CFTR: variants seen among roughly 807,000 people sequenced by gnomAD.
CFTR encodes the protein cystic fibrosis transmembrane conductance regulator.
Under a neutral mutation model 171.6 loss-of-function variants are expected in CFTR, and 181 were observed. The ratio of observed to expected loss-of-function variants is 1.05; its 90% CI spans 0.93 to 1.19. The LOEUF is 1.19. Ranked by LOEUF, CFTR falls within the 50% of genes most tolerant of loss-of-function variation. CFTR has a pLI of 0.00. For synonymous variants in CFTR, 583 were observed against 608.0 expected (o/e 0.96, Z 0.60); for missense variants, 1,968 against 1,734.7 (o/e 1.13, Z -2.39).
At chr7:117,618,164 T>C (rs1345832580) in intron 21 of CFTR, among the ~76,000 whole-genome samples, 1 of 152,162 alleles carries the variant, frequency 6.6e-6, no homozygotes, top group Non-Finnish European at 1.5e-5. Context: ...AAACATCAGC[T>C]ATATCTCAGC....
intron 12 of CFTR, among the ~76,000 whole-genome samples, chr7:117,589,362 A>C (rs1022643203): frequency 6.6e-6 from 1 of 151,976 alleles, no homozygotes; most frequent in Non-Finnish European, 1.5e-5. Flanking sequence ...AAAAATTTTT[A>C]AATTGGCTTT....
chr7:117,524,710 C>T (rs1417986396), intron 3 of CFTR, among the ~76,000 whole-genome samples: 2 of 152,146 alleles, frequency 1.3e-5, no homozygotes, highest in Non-Finnish European at 2.9e-5. Context: ...AGCACTTTCA[C>T]TGATTGCAGT....
chr7:117,551,775 C>T (rs1431906771), intron 10 of CFTR, among the ~76,000 whole-genome samples: 1 of 152,154 alleles, frequency 6.6e-6, no homozygotes, highest in Non-Finnish European at 1.5e-5. Context: ...TGAAAGCTGG[C>T]TTATGGCATC....
chr7:117,587,157 C>A (rs1236839085), intron 11 of CFTR, among the ~76,000 whole-genome samples: 1 of 151,868 alleles, frequency 6.6e-6, no homozygotes, highest in East Asian at 1.9e-4. Context: ...GGAGAGAGGT[C>A]GTGAGAATGA....
Position 117,521,409 on chromosome 7 carries a change from G to A in CFTR, c.274-9490G>A, listed in dbSNP as rs1798683728. 2.0e-5 allele frequency among the ~76,000 whole-genome samples: 3 copies of A among 151,804 alleles called. No individual in the cohort carries two copies. The South Asian group carries it at 6.2e-4, about 32-fold the overall frequency. On this transcript the variant is annotated intron_variant, in intron 3 of 26. Transcript: ENST00000003084. ...AATGCATCTAGACTTTTATAATTAT[G>A]GCATTGATTGTAACATTTTGAGGAA...
At chr7:117,508,652 A>G (rs973548432) in intron 2 of CFTR, among the ~76,000 whole-genome samples, 1 of 152,248 alleles carries the variant, frequency 6.6e-6, no homozygotes, top group African/African-American at 2.4e-5. Flanking sequence ...AGATCAAGGT[A>G]TAAGGGAAAA....
At chr7:117,613,615 T>C (rs889085119) in intron 20 of CFTR, among the ~76,000 whole-genome samples, 10 of 152,166 alleles carry the variant, frequency 6.6e-5, no homozygotes, top group Admixed American at 5.3e-4. Context: ...TCTTCTCAGC[T>C]TAACCTTCAG....
At chr7:117,557,495 G>A (rs544979429) in intron 10 of CFTR, among the ~76,000 whole-genome samples, 3 of 151,914 alleles carry the variant, frequency 2.0e-5, no homozygotes, top group East Asian at 3.9e-4. Context: ...TGAATTAAAG[G>A]CTTCTACTAC....
At chr7:117,510,242 ATTACTTTTAAG>A (rs1012978181) in intron 3 of CFTR, among the ~76,000 whole-genome samples, 1 of 152,176 alleles carries the variant, frequency 6.6e-6, no homozygotes, top group African/African-American at 2.4e-5. Flanking sequence ...GGATAATTAA[ATTACTTTTAAG>A]TTACCTTTGA....
chr7:117,573,060 C>A (rs2115978364), intron 11 of CFTR, among the ~76,000 whole-genome samples: 1 of 102,666 alleles, frequency 9.7e-6, no homozygotes, highest in African/African-American at 3.1e-5. Flanking sequence ...CTCTCTCTTG[C>A]TCTCTCTCTC....
At chr7:117,492,308 C>G (rs1326374504) in intron 1 of CFTR, among the ~76,000 whole-genome samples, 1 of 151,856 alleles carries the variant, frequency 6.6e-6, no homozygotes, top group East Asian at 1.9e-4. Flanking sequence ...TAGGCACCCT[C>G]ACATTTGCAT....
At chr7:117,523,880 A>G (rs989471414) in intron 3 of CFTR, among the ~76,000 whole-genome samples, 4 of 152,254 alleles carry the variant, frequency 2.6e-5, no homozygotes, top group Admixed American at 6.5e-5. Flanking sequence ...AAAATCTTAT[A>G]CAAGTCTTTA....
intron 10 of CFTR, 109 bp from the exon 11 acceptor site, chr7:117,559,355 G>C: frequency 1.3e-6 from 1 of 787,610 alleles, no homozygotes; most frequent in East Asian, 2.5e-5. Context: ...TGAGTTAATA[G>C]AATCTTTACA....
At chr7:117,542,206 G>T (rs144272888) in intron 9 of CFTR, 98 bp downstream of exon 9, 3 of 714,506 alleles carry the variant, frequency 4.2e-6, no homozygotes, top group Non-Finnish European at 7.8e-6. Flanking sequence ...TTAGAATGAT[G>T]ATATAACTGG....
At chr7:117,552,477 C>T (rs1441430177) in intron 10 of CFTR, among the ~76,000 whole-genome samples, 1 of 151,966 alleles carries the variant, frequency 6.6e-6, no homozygotes. Flanking sequence ...CTGAAACAAA[C>T]ATCAAAAAGA....
intron 11 of CFTR, among the ~76,000 whole-genome samples, chr7:117,571,285 G>A (rs1489344243): frequency 6.6e-6 from 1 of 152,172 alleles, no homozygotes; most frequent in Non-Finnish European, 1.5e-5. Flanking sequence ...TGGAAAACAT[G>A]TTAGGAAATC....
At chr7:117,481,606 G>C (rs891561530) in intron 1 of CFTR, among the ~76,000 whole-genome samples, 1 of 152,046 alleles carries the variant, frequency 6.6e-6, no homozygotes, top group African/African-American at 2.4e-5. Context: ...GTATTACAAA[G>C]GCTGCTAAGT....
chr7:117,613,997 A>ATGTTTTTTTTTTTTTTTTTTTT (rs1468130932), intron 20 of CFTR, among the ~76,000 whole-genome samples: 1 of 132,032 alleles, frequency 7.6e-6, no homozygotes, highest in Admixed American at 7.5e-5. Context: ...AGGTACAGTA[A>ATGTTTTTTTTTTTTTTTTTTTT]TCTTTTTTTT....
At chr7:117,609,466 C>T (rs1335930136) in intron 18 of CFTR, among the ~76,000 whole-genome samples, 1 of 152,060 alleles carries the variant, frequency 6.6e-6, no homozygotes, top group Non-Finnish European at 1.5e-5. Flanking sequence ...TTTCTGCAGA[C>T]AGTTACTTTA....
Sources: gnomAD v4.1 joint callset for allele counts (sites outside exome capture counted in the v4.1 genomes callset) on GRCh38, gnomAD v4.1.1 for gene constraint, MANE v1.5 for transcripts, NCBI Gene and HGNC (gene_info 2026-07-23, HGNC 2026-07-21) for gene names.